Variants in GK5 observed in about 807,000 individuals in gnomAD.
The protein encoded by GK5 is glycerol kinase 5, also known as ATP:glycerol 3-phosphotransferase 5.
A neutral mutation model predicts 77.3 loss-of-function variants in GK5; 39 were observed. The observed-to-expected ratio is 0.50, with a 90% CI of 0.39 to 0.66. GK5 has a LOEUF of 0.66. Ranked by LOEUF, GK5 falls within the 30% of genes least tolerant of loss-of-function variation. The probability of loss-of-function intolerance (pLI) is 0.00; values close to 1 mark genes in which losing one functional copy is unlikely to be tolerated. For missense variants in GK5, 487 were observed against 633.8 expected (o/e 0.77, Z 2.49); for synonymous variants, 211 against 208.0 (o/e 1.01, Z -0.13).
Position 142,225,558 on chromosome 3 carries a change from G to T in GK5, c.-103C>A, listed in dbSNP as rs1050809741. The T allele has an allele frequency of 6.5e-5, 92 of 1,425,376 alleles. No individual in the cohort carries two copies. The highest frequency in any genetic ancestry group is 8.4e-5 in the Non-Finnish European group (90 of 1,070,320). 88.3% of individuals were successfully genotyped at this position (1,425,376 alleles called of 1,614,324 possible). A position where few individuals can be genotyped will look rare whatever the true frequency, so the allele number is the denominator to read the frequency against. On this transcript the variant is annotated 5_prime_UTR_variant, in exon 1 of 16. Coordinates refer to ENST00000392993, the MANE Select transcript of GK5 (RefSeq NM_001039547.3). ...GGCGGCCCAACCCGGGCCCCAACCCGGCTCAGCCGGAGAGCCTAGAGAGGC... is the reference window on the plus strand; with the variant it reads ...GGCGGCCCAACCCGGGCCCCAACCCTGCTCAGCCGGAGAGCCTAGAGAGGC...
intron 1 of GK5, among the ~76,000 whole-genome samples, chr3:142,217,470 G>A (rs2064289035): frequency 1.3e-5 from 2 of 152,026 alleles, no homozygotes; most frequent in Admixed American, 6.6e-5. Flanking sequence ...GAAATTATCT[G>A]CACAACAGAA....
intron 15 of GK5, 47 bp from the exon 16 acceptor site, chr3:142,165,817 C>A: frequency 7.3e-7 from 1 of 1,361,378 alleles, no homozygotes; most frequent in Non-Finnish European, 1.0e-6. Flanking sequence ...AATCATGAGT[C>A]CAATAAAGTT....
At chr3:142,169,669 CTTTTT>C (rs71304258) in intron 15 of GK5, among the ~76,000 whole-genome samples, 3 of 116,910 alleles carry the variant, frequency 2.6e-5, no homozygotes, top group South Asian at 5.5e-4. Context: ...CCTTACTGTT[CTTTTT>C]TTTTTTTTTT....
At chr3:142,186,398 T>C in intron 7 of GK5, 54 bp downstream of exon 7, 1 of 1,091,184 alleles carries the variant, frequency 9.2e-7, no homozygotes. Flanking sequence ...AATTTAAATC[T>C]ATCTATATTA....
chr3:142,193,483 C>CA (rs1161095979), intron 5 of GK5, among the ~76,000 whole-genome samples: 8,325 of 70,686 alleles, frequency 0.12, 605 homozygotes, highest in African/African-American at 0.31. Context: ...TTGTCTGCTA[C>CA]AAAAAAAAAA....
intron 6 of GK5, 58 bp from the exon 7 acceptor site, chr3:142,186,571 C>T (rs1284662397): frequency 2.1e-5 from 15 of 730,676 alleles, no homozygotes; most frequent in East Asian, 2.8e-5. Flanking sequence ...CAACACCTAT[C>T]GATAGTATAT....
rs1347715785 is a variant in GK5, at chr3:142,183,073, AC to A, written c.817-25del. 1.9e-6 allele frequency: 3 copies of A among 1,611,830 alleles called. No individual in the cohort carries two copies. In the East Asian group the frequency reaches 6.7e-5, roughly 36 times the overall value. On this transcript the variant is annotated intron_variant, in intron 9 of 15. Coordinates refer to ENST00000392993, the MANE Select transcript of GK5 (RefSeq NM_001039547.3). ...ACCTACCAAAAATGTTCAAATGTAAACCCATTGCCCTTAACAGTGGCCAATT... is the reference window on the plus strand; with the variant it reads ...ACCTACCAAAAATGTTCAAATGTAAACCATTGCCCTTAACAGTGGCCAATT...
chr3:142,191,421 G>A (rs1225751203), intron 5 of GK5, among the ~76,000 whole-genome samples: 1 of 152,066 alleles, frequency 6.6e-6, no homozygotes, highest in Admixed American at 6.6e-5. Flanking sequence ...AACTTTAAGT[G>A]GGGCTAGGTG....
rs1161095979 is a variant in GK5, at chr3:142,193,483, C to CAA, written c.543+5317_543+5318dup. On this transcript the variant is annotated intron_variant, in intron 5 of 15. Transcript: ENST00000392993. ...AATTTTAGGATCAGCTTGTCTGCTA[C>CAA]AAAAAAAAAAAAACAAAAAAAAAAG... is the stretch of plus-strand genomic sequence containing the variant. Among the ~76,000 whole-genome samples the CAA allele has an allele frequency of 1.7e-3, 119 of 70,850 alleles. 1 individual carries two copies. Among genetic ancestry groups the CAA allele is most frequent in the African/African-American group, 4.6e-3 (107 of 23,508 alleles). The allele number at this position is 70,850 out of a possible 152,430, so 46.5% of individuals were successfully genotyped here. A position where few individuals can be genotyped will look rare whatever the true frequency, so the allele number is the denominator to read the frequency against.
intron 5 of GK5, among the ~76,000 whole-genome samples, chr3:142,194,156 G>C (rs1042743409): frequency 6.6e-6 from 1 of 152,154 alleles, no homozygotes; most frequent in Non-Finnish European, 1.5e-5. Context: ...AGGCTGGGGT[G>C]GGAAGATTAC....
intron 3 of GK5, among the ~76,000 whole-genome samples, chr3:142,211,771 G>A (rs2064191295): frequency 6.6e-6 from 1 of 152,180 alleles, no homozygotes; most frequent in African/African-American, 2.4e-5. Flanking sequence ...TCCAGCCTAG[G>A]TAGCAAAGTG....
In GK5 at chr3:142,204,506, T is replaced by C; in HGVS notation, c.411+189A>G. The C allele has an allele frequency of 1.6e-5, 10 of 644,678 alleles. No homozygotes were observed. The South Asian group carries it at 1.6e-4, about 10-fold the overall frequency. 39.9% of individuals were successfully genotyped at this position (644,678 alleles called of 1,614,324 possible). A position where few individuals can be genotyped will look rare whatever the true frequency, so the allele number is the denominator to read the frequency against. ...CACCACAAACCTCCTTAGAACTTCC[T>C]GAGGTACAAGTACTGAAGTCTACCA... On this transcript the variant is annotated intron_variant, in intron 4 of 15. Coordinates refer to ENST00000392993, the MANE Select transcript of GK5 (RefSeq NM_001039547.3).
intron 15 of GK5, among the ~76,000 whole-genome samples, chr3:142,166,379 T>C (rs938619279): frequency 3.9e-5 from 6 of 152,246 alleles, no homozygotes; most frequent in African/African-American, 9.6e-5. Context: ...TTCTGGAATA[T>C]GCATAAAATT....
chr3:142,174,656 T>C (rs1247564827), intron 12 of GK5, among the ~76,000 whole-genome samples: 2 of 152,190 alleles, frequency 1.3e-5, no homozygotes, highest in Non-Finnish European at 2.9e-5. Flanking sequence ...GCTGGCTTCA[T>C]CCCCTTCTAA....
At chr3:142,167,291 T>C (rs2063483854) in intron 15 of GK5, among the ~76,000 whole-genome samples, 1 of 151,994 alleles carries the variant, frequency 6.6e-6, no homozygotes, top group African/African-American at 2.4e-5. Context: ...CGAGAATCAC[T>C]TGAGCCCAGG....
At chr3:142,171,206 G>A (rs2063532605) in intron 14 of GK5, among the ~76,000 whole-genome samples, 1 of 151,950 alleles carries the variant, frequency 6.6e-6, no homozygotes, top group South Asian at 2.1e-4. Context: ...ACTCCAGCCT[G>A]AGTGACACAG....
Position 142,172,394 on chromosome 3 carries a change from T to C in GK5, c.1206A>G (p.Lys402=), listed in dbSNP as rs546542899. The C allele has an allele frequency of 6.2e-7, 1 of 1,605,420 alleles. No homozygotes were observed. The highest frequency in any genetic ancestry group is 2.2e-5 in the East Asian group (1 of 44,730). Residue 402 remains lysine, a synonymous_variant, in exon 13 of 16, where the codon AAA becomes AAG. Coordinates refer to ENST00000392993, the MANE Select transcript of GK5 (RefSeq NM_001039547.3). ...CCAATATTGCTCGTACAAGATGGTA[T>C]TTACTGGTAGAAGGCTTCAAACCCA... is the stretch of plus-strand genomic sequence containing the variant. ...SFMGLKPSTS[K]YHLVRAILES...
At chr3:142,180,910 G>A (rs934604683) in intron 11 of GK5, among the ~76,000 whole-genome samples, 5 of 152,116 alleles carry the variant, frequency 3.3e-5, no homozygotes, top group Admixed American at 1.3e-4. Context: ...TAAACAACAA[G>A]CTTAAGGCTT....
chr3:142,158,799 T>TA lies in GK5; in HGVS notation c.*6822dup, dbSNP rs1182828140. ...AATAAAAAGGTTAGAAACATTATGA[T>TA]AACTATGTACAAAGTATATATCTGT... On this transcript the variant is annotated 3_prime_UTR_variant, in exon 16 of 16. Coordinates refer to ENST00000392993, the MANE Select transcript of GK5 (RefSeq NM_001039547.3). The TA allele has an allele frequency of 6.6e-6, 1 of 152,402 alleles. No individual in the cohort carries two copies. The highest frequency in any genetic ancestry group is 1.5e-5 in the Non-Finnish European group (1 of 68,032). The allele number at this position is 152,402 out of a possible 1,614,324, so 9.4% of individuals were successfully genotyped here.
Sources: gnomAD v4.1 joint callset for allele counts (sites outside exome capture counted in the v4.1 genomes callset) on GRCh38, gnomAD v4.1.1 for gene constraint, MANE v1.5 for transcripts, NCBI Gene and HGNC (gene_info 2026-07-23, HGNC 2026-07-21) for gene names.